Variants in HSPA12A observed in about 807,000 individuals in gnomAD.
HSPA12A encodes heat shock protein family A (Hsp70) member 12A, also known as heat shock 70 kDa protein 12A.
In HSPA12A, 28 loss-of-function variants were observed where a neutral mutation model predicts 69.2. The ratio of observed to expected loss-of-function variants is 0.40; its 90% CI spans 0.30 to 0.55. The LOEUF is 0.55. Ranked by LOEUF, HSPA12A falls within the 20% of genes least tolerant of loss-of-function variation. The probability of loss-of-function intolerance (pLI) is 0.38; values close to 1 mark genes in which losing one functional copy is unlikely to be tolerated. For missense variants in HSPA12A, 686 were observed against 900.7 expected (o/e 0.76, Z 3.05); for synonymous variants, 345 against 370.5 (o/e 0.93, Z 0.79).
intron 1 of HSPA12A, among the ~76,000 whole-genome samples, chr10:116,844,758 G>C (rs1174593498): frequency 1.3e-5 from 2 of 152,148 alleles, no homozygotes; most frequent in Non-Finnish European, 2.9e-5. Context: ...ACAAGCACTT[G>C]ATAGCAACCC....
intron 2 of HSPA12A, among the ~76,000 whole-genome samples, chr10:116,777,269 G>A (rs1554891245): frequency 6.6e-6 from 1 of 152,198 alleles, no homozygotes. Flanking sequence ...GGACAGCTCA[G>A]GCATGGCCTG....
At chr10:116,721,241 C>T (rs1409204974) in intron 1 of HSPA12A, among the ~76,000 whole-genome samples, 1 of 152,156 alleles carries the variant, frequency 6.6e-6, no homozygotes, top group Non-Finnish European at 1.5e-5. Flanking sequence ...GAATCCCTAA[C>T]TTCAGAGCAG....
At chr10:116,726,999 T>TCAAAAAA (rs1415238412) in intron 1 of HSPA12A, among the ~76,000 whole-genome samples, 2 of 152,004 alleles carry the variant, frequency 1.3e-5, no homozygotes, top group Non-Finnish European at 2.9e-5. Flanking sequence ...TCTGCCCCCG[T>TCAAAAAA]CAAAAAACTG....
intron 3 of HSPA12A, among the ~76,000 whole-genome samples, chr10:116,704,860 G>A (rs1379246327): frequency 2.6e-5 from 4 of 152,094 alleles, no homozygotes; most frequent in Admixed American, 6.5e-5. Flanking sequence ...ACAGATCTGC[G>A]CCTCTCACCC....
intron 7 of HSPA12A, among the ~76,000 whole-genome samples, chr10:116,682,218 A>G (rs1262362602): frequency 2.6e-5 from 4 of 152,180 alleles, no homozygotes; most frequent in Admixed American, 6.5e-5. Flanking sequence ...AATGTGCGCC[A>G]CTGCACTCCA....
At position 116,672,930 on chromosome 10, in the gene HSPA12A, C is replaced by T. The variant is rs1849125699; in HGVS notation, c.*1851G>A. ...GTTCTGTGGTTTGTTCGTTGTTTCA[C>T]ATTCTAGTAGGGAATTCTGCAGCAG... is the stretch of plus-strand genomic sequence containing the variant. On this transcript the variant is annotated 3_prime_UTR_variant, in exon 12 of 12. Coordinates refer to ENST00000369209, the MANE Select transcript of HSPA12A (RefSeq NM_025015.3). 1 of 152,618 alleles carries T rather than the reference C, an allele frequency of 6.6e-6. No individual in the cohort carries two copies. Among genetic ancestry groups the T allele is most frequent in the Admixed American group, 6.5e-5 (1 of 15,282 alleles). The allele number at this position is 152,618 out of a possible 1,614,324, so 9.5% of individuals were successfully genotyped here. A position where few individuals can be genotyped will look rare whatever the true frequency, so the allele number is the denominator to read the frequency against.
chr10:116,772,632 G>A (rs541062720), intron 2 of HSPA12A, among the ~76,000 whole-genome samples: 2 of 152,060 alleles, frequency 1.3e-5, no homozygotes, highest in Middle Eastern at 3.4e-3. Context: ...TCTGCTCTAG[G>A]AAAGCCTGTG....
intron 2 of HSPA12A, among the ~76,000 whole-genome samples, chr10:116,770,895 T>TC (rs1554890410): frequency 5.3e-4 from 80 of 152,120 alleles, no homozygotes; most frequent in African/African-American, 1.8e-3. Flanking sequence ...AAGCCTCTCT[T>TC]GGGGGAGATT....
intron 2 of HSPA12A, among the ~76,000 whole-genome samples, chr10:116,833,706 C>T (rs1845661047): frequency 6.6e-6 from 1 of 152,132 alleles, no homozygotes; most frequent in South Asian, 2.1e-4. Flanking sequence ...TTATTCTTTC[C>T]AATATTTAAA....
At chr10:116,782,164 G>A (rs1376830030) in intron 2 of HSPA12A, among the ~76,000 whole-genome samples, 1 of 152,180 alleles carries the variant, frequency 6.6e-6, no homozygotes, top group Admixed American at 6.5e-5. Context: ...AAAACACAAA[G>A]TGAGACCATA....
chr10:116,790,099 T>A (rs1295685244), intron 2 of HSPA12A, among the ~76,000 whole-genome samples: 1 of 131,996 alleles, frequency 7.6e-6, no homozygotes, highest in Non-Finnish European at 1.6e-5. Flanking sequence ...TTTCTTTTTT[T>A]TTTTTTTTTT....
chr10:116,849,849 C>G, upstream of HSPA12A: 1 of 1,192,252 alleles, frequency 8.4e-7, no homozygotes, highest in Non-Finnish European at 1.2e-6. Context: ...CCGCCCGGGC[C>G]CTGGGCCTGC....
rs1327680501 is a variant in HSPA12A, at chr10:116,778,196, C to T, written c.91+56739G>A. On this transcript the variant is annotated intron_variant, in intron 2 of 12. Coordinates refer to the HSPA12A transcript ENST00000635765. ...CCTGACACTAGTCCCAAGATGGTTA[C>T]TTGACATTTCCAAGCAATATATTAT... Among the ~76,000 whole-genome samples the T allele has an allele frequency of 5.3e-5, 8 of 152,160 alleles. No homozygotes were observed. In the East Asian group the frequency reaches 1.5e-3, roughly 29 times the overall value.
At chr10:116,817,420 G>A (rs946169903) in intron 2 of HSPA12A, among the ~76,000 whole-genome samples, 38 of 151,344 alleles carry the variant, frequency 2.5e-4, no homozygotes, top group African/African-American at 7.1e-4. Context: ...CTTCTGCGGT[G>A]ACCTTAGTGG....
intron 1 of HSPA12A, among the ~76,000 whole-genome samples, chr10:116,717,358 G>A (rs1186276541): frequency 6.6e-6 from 1 of 152,178 alleles, no homozygotes; most frequent in African/African-American, 2.4e-5. Flanking sequence ...AGGAAGTCAG[G>A]AGTCACCATC....
intron 2 of HSPA12A, chr10:116,830,967 T>C (rs917218434): frequency 1.4e-5 from 2 of 144,318 alleles, no homozygotes; most frequent in Non-Finnish European, 2.9e-5. Flanking sequence ...AATAGCTTAG[T>C]TGTGAGGCAG....
At chr10:116,700,563 T>C (rs952749971) in intron 4 of HSPA12A, among the ~76,000 whole-genome samples, 6 of 152,082 alleles carry the variant, frequency 3.9e-5, no homozygotes, top group African/African-American at 1.4e-4. Flanking sequence ...AGCCCCCAAG[T>C]GGATCCTTCA....
At chr10:116,682,325 G>A (rs1163107951) in intron 7 of HSPA12A, among the ~76,000 whole-genome samples, 1 of 152,202 alleles carries the variant, frequency 6.6e-6, no homozygotes, top group African/African-American at 2.4e-5. Flanking sequence ...CGGCTTTGCT[G>A]CCCCAGGGAG....
intron 2 of HSPA12A, among the ~76,000 whole-genome samples, chr10:116,781,660 A>C (rs1403283066): frequency 3.3e-5 from 5 of 152,124 alleles, no homozygotes; most frequent in Non-Finnish European, 7.4e-5. Context: ...AAAAGGATCA[A>C]ATTCAAAGCA....
Sources: allele counts gnomAD v4.1 joint callset (sites outside exome capture counted in the v4.1 genomes callset), GRCh38; gene constraint gnomAD v4.1.1; transcripts MANE v1.5; gene names NCBI Gene and HGNC (gene_info 2026-07-23, HGNC 2026-07-21).